The following EFCAB14 variants were observed in gnomAD, a reference collection of about 807,000 sequenced individuals.
EFCAB14 encodes EF-hand calcium binding domain 14.
In EFCAB14, 43 loss-of-function variants were observed where a neutral mutation model predicts 56.5. That is an observed-to-expected ratio of 0.76 (90% confidence interval 0.60 to 0.98). The LOEUF is 0.98. EFCAB14 is among the 50% of genes least tolerant of loss of function. EFCAB14 has a pLI of 0.00. For synonymous variants in EFCAB14, 235 were observed against 212.9 expected, an observed-to-expected ratio of 1.10 and a Z score of -0.90; for missense variants, 538 against 580.3, an observed-to-expected ratio of 0.93 and a Z score of 0.75.
At chr1:46,708,188 A>C (rs555557507) in intron 2 of EFCAB14, 137 bp from the exon 3 acceptor site, 2 of 868,440 alleles carry the variant, frequency 2.3e-6, no homozygotes, top group African/African-American at 3.5e-5. Flanking sequence ...ATTTATGTAA[A>C]TATATATCTT....
At chr1:46,697,397 G>A (rs191623437) in intron 3 of EFCAB14, among the ~76,000 whole-genome samples, 1 of 152,288 alleles carries the variant, frequency 6.6e-6, no homozygotes, top group East Asian at 1.9e-4. Context: ...TGGGAACTGG[G>A]GGAACCTGTG....
chr1:46,685,225 G>A (rs1399016641), intron 8 of EFCAB14: 2 of 151,946 alleles, frequency 1.3e-5, no homozygotes, highest in African/African-American at 2.4e-5. Flanking sequence ...AAGTTTTTTC[G>A]CCCATACCCT....
At chr1:46,690,300 T>C (rs1393732956) in intron 5 of EFCAB14, among the ~76,000 whole-genome samples, 1 of 152,178 alleles carries the variant, frequency 6.6e-6, no homozygotes. Flanking sequence ...ACTTTTCCTT[T>C]AGTGAGGAAA....
intron 8 of EFCAB14, 110 bp from the exon 9 acceptor site, chr1:46,684,712 T>G: frequency 1.2e-6 from 1 of 811,440 alleles, no homozygotes; most frequent in Admixed American, 2.2e-5. Context: ...CCTCAGTAGG[T>G]TCCCTATAAA....
At chr1:46,693,528 GC>G (rs1677031536) in intron 4 of EFCAB14, among the ~76,000 whole-genome samples, 1 of 152,082 alleles carries the variant, frequency 6.6e-6, no homozygotes, top group Non-Finnish European at 1.5e-5. Context: ...AAGCTGGTTT[GC>G]TATCTATGTA....
At chr1:46,702,762 T>C (rs976225855) in intron 3 of EFCAB14, among the ~76,000 whole-genome samples, 6 of 152,136 alleles carry the variant, frequency 3.9e-5, no homozygotes, top group Non-Finnish European at 1.5e-5. Context: ...CTAGTGCAAT[T>C]AGAAGTATAT....
At chr1:46,716,847 T>C (rs1677404608) in intron 1 of EFCAB14, among the ~76,000 whole-genome samples, 1 of 152,268 alleles carries the variant, frequency 6.6e-6, no homozygotes, top group Non-Finnish European at 1.5e-5. Flanking sequence ...CGGGGAACCT[T>C]GCTCCAGTTT....
chr1:46,698,097 C>A (rs995276136), intron 3 of EFCAB14, among the ~76,000 whole-genome samples: 3 of 152,150 alleles, frequency 2.0e-5, no homozygotes, highest in African/African-American at 7.2e-5. Flanking sequence ...AAGTGATCCA[C>A]CTGCCTTGGT....
At chr1:46,713,607 ACAGAG>A (rs1320387753) in intron 2 of EFCAB14, among the ~76,000 whole-genome samples, 5 of 152,224 alleles carry the variant, frequency 3.3e-5, no homozygotes, top group African/African-American at 1.2e-4. Flanking sequence ...AAACACAGGT[ACAGAG>A]CAGTCAGAAA....
intron 5 of EFCAB14, among the ~76,000 whole-genome samples, chr1:46,690,483 T>C (rs1193125607): frequency 1.3e-5 from 2 of 152,140 alleles, no homozygotes; most frequent in Non-Finnish European, 2.9e-5. Context: ...AAATCAACCC[T>C]GTTTTTATAA....
At chr1:46,686,354 T>C (rs1185181464) in intron 8 of EFCAB14, among the ~76,000 whole-genome samples, 1 of 152,274 alleles carries the variant, frequency 6.6e-6, no homozygotes, top group East Asian at 1.9e-4. Context: ...TCTCTGCCTC[T>C]GTCCCCCATC....
rs1422392176 is a variant in EFCAB14, at chr1:46,694,883, GA to G, written c.579+1667del. ...GAAAACATGGCAGATATACACCATG[GA>G]ATACTATGCAGCCATAAAAAATGAT... On this transcript the variant is annotated intron_variant, in intron 4 of 10. Coordinates refer to ENST00000371933, the MANE Select transcript of EFCAB14 (RefSeq NM_014774.3). 2.0e-5 allele frequency among the ~76,000 whole-genome samples: 3 copies of G among 152,286 alleles called. No homozygotes were observed. In the East Asian group the frequency reaches 5.8e-4, roughly 29 times the overall value.
intron 10 of EFCAB14, among the ~76,000 whole-genome samples, chr1:46,679,308 T>C (rs1485421540): frequency 6.6e-6 from 1 of 152,198 alleles, no homozygotes; most frequent in Non-Finnish European, 1.5e-5. Context: ...CAAATTTCTT[T>C]TCTTTTTTTT....
At chr1:46,693,645 A>G (rs1334949078) in intron 4 of EFCAB14, among the ~76,000 whole-genome samples, 2 of 152,172 alleles carry the variant, frequency 1.3e-5, no homozygotes, top group African/African-American at 4.8e-5. Context: ...TGGATGTATG[A>G]ACCCATTGGG....
intron 3 of EFCAB14, among the ~76,000 whole-genome samples, chr1:46,705,592 G>T (rs370945920): frequency 1.3e-5 from 2 of 152,138 alleles, no homozygotes; most frequent in East Asian, 1.9e-4. Context: ...GTCTGAGTGT[G>T]AGCGTGTGTA....
chr1:46,683,704 T>A (rs544033179), intron 9 of EFCAB14, among the ~76,000 whole-genome samples: 25 of 152,244 alleles, frequency 1.6e-4, no homozygotes, highest in Admixed American at 5.2e-4. Flanking sequence ...GTTTAGATGG[T>A]AAGAGCTTAA....
chr1:46,711,471 C>T (rs1380747443), intron 2 of EFCAB14, among the ~76,000 whole-genome samples: 4 of 152,122 alleles, frequency 2.6e-5, no homozygotes, highest in African/African-American at 9.7e-5. Flanking sequence ...AGCTGACCAG[C>T]CCTGAAAATA....
chr1:46,702,088 G>A (rs1677167292), intron 3 of EFCAB14, among the ~76,000 whole-genome samples: 1 of 152,126 alleles, frequency 6.6e-6, no homozygotes, highest in South Asian at 2.1e-4. Flanking sequence ...CTAAAAAGTT[G>A]AATTAAATAG....
At chr1:46,681,517 C>T (rs961353070) in intron 10 of EFCAB14, among the ~76,000 whole-genome samples, 1 of 152,194 alleles carries the variant, frequency 6.6e-6, no homozygotes, top group Non-Finnish European at 1.5e-5. Flanking sequence ...CTCCTATAAA[C>T]AAGCTCCTGA....
Sources: gnomAD v4.1 joint callset for allele counts (sites outside exome capture counted in the v4.1 genomes callset) on GRCh38, gnomAD v4.1.1 for gene constraint, MANE v1.5 for transcripts, NCBI Gene and HGNC (gene_info 2026-07-23, HGNC 2026-07-21) for gene names.